The following FRMD6 variants were observed in gnomAD, a reference collection of about 807,000 sequenced individuals.
The protein encoded by FRMD6 is FERM domain-containing protein 6.
FRMD6 carries 37 observed loss-of-function variants against 73.2 expected under a neutral mutation model. The observed-to-expected ratio is 0.51, with a 90% confidence interval of 0.39 to 0.66. The LOEUF is 0.66. FRMD6 is among the 30% of genes least tolerant of loss of function. The pLI, the probability that FRMD6 is intolerant of heterozygous loss-of-function variation, is 0.00. For missense variants in FRMD6, 714 were observed against 780.5 expected, an observed-to-expected ratio of 0.91 and a Z score of 1.02; for synonymous variants, 273 against 282.2, an observed-to-expected ratio of 0.97 and a Z score of 0.33.
chr14:51,501,463 G>A (rs1403147614), intron 1 of FRMD6, among the ~76,000 whole-genome samples: 2 of 152,074 alleles, frequency 1.3e-5, no homozygotes, highest in Non-Finnish European at 2.9e-5. Context: ...GTGAGAACAT[G>A]CGGTGTTTGG....
At chr14:51,548,732 G>C (rs1271502060) in intron 1 of FRMD6, among the ~76,000 whole-genome samples, 1 of 152,176 alleles carries the variant, frequency 6.6e-6, no homozygotes, top group African/African-American at 2.4e-5. Context: ...TGAATTTAGT[G>C]ATGGTATATT....
chr14:51,675,582 C>T (rs1894329985), intron 1 of FRMD6, among the ~76,000 whole-genome samples: 1 of 152,122 alleles, frequency 6.6e-6, no homozygotes, highest in Non-Finnish European at 1.5e-5. Context: ...TATTTAGCAA[C>T]TTGTCTCCAG....
chr14:51,509,951 C>G (rs1884202156), intron 1 of FRMD6, among the ~76,000 whole-genome samples: 1 of 152,178 alleles, frequency 6.6e-6, no homozygotes, highest in African/African-American at 2.4e-5. Flanking sequence ...TAAATAAGCC[C>G]TGAGGACAAT....
At chr14:51,435,220 G>A in the FRMD6 span, among the ~76,000 whole-genome samples, 1 of 152,118 alleles carries the variant, frequency 6.6e-6, no homozygotes, top group African/African-American at 2.4e-5. Flanking sequence ...AGAAAACTGG[G>A]TAAAGCATAT....
At chr14:51,575,429 TCTGA>T (rs141493352) in intron 2 of FRMD6, among the ~76,000 whole-genome samples, 14 of 152,358 alleles carry the variant, frequency 9.2e-5, no homozygotes, top group Non-Finnish European at 1.6e-4. Flanking sequence ...GCCACCTGGC[TCTGA>T]CTTTCTCCTG....
chr14:51,628,877 C>CT (rs371915919), intron 2 of FRMD6, among the ~76,000 whole-genome samples: 46,877 of 95,106 alleles, frequency 0.49, 13,258 homozygotes, highest in Middle Eastern at 0.6. Flanking sequence ...CTTTTCTTTT[C>CT]TTTTTTTTTT....
At chr14:51,602,730 T>C (rs1287072241) in intron 2 of FRMD6, among the ~76,000 whole-genome samples, 4 of 152,236 alleles carry the variant, frequency 2.6e-5, no homozygotes, top group Non-Finnish European at 4.4e-5. Flanking sequence ...TGTTTGTTTC[T>C]TTTTCACTTT....
At chr14:51,547,821 A>G (rs1261318954) in intron 1 of FRMD6, 2 of 151,048 alleles carry the variant, frequency 1.3e-5, no homozygotes, top group South Asian at 2.1e-4. Context: ...ATCTGTAAGT[A>G]TTTTGGAGGG....
chr14:51,486,878 T>C (rs149734348), upstream of FRMD6, among the ~76,000 whole-genome samples: 5 of 152,224 alleles, frequency 3.3e-5, no homozygotes, highest in East Asian at 9.6e-4. Context: ...AAAGATGTCC[T>C]AGATACAATA....
At chr14:51,571,836 T>C (rs1276151050) in intron 2 of FRMD6, among the ~76,000 whole-genome samples, 1 of 152,206 alleles carries the variant, frequency 6.6e-6, no homozygotes, top group African/African-American at 2.4e-5. Flanking sequence ...ATATTAGCCA[T>C]GATTAAAGAT....
At chr14:51,436,912 AGAAGAT>A in the FRMD6 span, 2 of 1,000,548 alleles carry the variant, frequency 2.0e-6, 1 homozygote, top group Non-Finnish European at 2.9e-6. Context: ...GTGAAGAAGA[AGAAGAT>A]GATGATGAAG....
At chr14:51,432,820 A>G in the FRMD6 span, among the ~76,000 whole-genome samples, 1 of 152,160 alleles carries the variant, frequency 6.6e-6, no homozygotes, top group African/African-American at 2.4e-5. Flanking sequence ...AGGCAAGTCT[A>G]AGGTCTCCAT....
the FRMD6 span, among the ~76,000 whole-genome samples, chr14:51,401,071 T>A: frequency 6.6e-6 from 1 of 152,192 alleles, no homozygotes; most frequent in Admixed American, 6.5e-5. Flanking sequence ...TTCAGAAAGG[T>A]TTTCCTGAAT....
intron 12 of FRMD6, 100 bp from the exon 13 acceptor site, chr14:51,725,679 A>G: frequency 2.2e-6 from 2 of 905,852 alleles, no homozygotes; most frequent in East Asian, 2.6e-5. Flanking sequence ...AATGGTTAAT[A>G]TTTGATTTTT....
At position 51,503,822 on chromosome 14, in the gene FRMD6, G is replaced by A. The variant is rs76099498; in HGVS notation, c.-210+14402G>A. Among the ~76,000 whole-genome samples the A allele has an allele frequency of 5.4e-3, 814 of 150,422 alleles. 24 individuals carry two copies. In the East Asian group the frequency reaches 0.063, roughly 12 times the overall value. On this transcript the variant is annotated intron_variant, in intron 1 of 14. Transcript: ENST00000356218. ...GTACCAGCTCTTCTTTGTACGTTTG[G>A]TAGAATTCAGCTGTAAATCTGTTTG...
chr14:51,469,049 T>G, the FRMD6 span, among the ~76,000 whole-genome samples: 1 of 151,912 alleles, frequency 6.6e-6, no homozygotes, highest in South Asian at 2.1e-4. Context: ...CACACCATTC[T>G]CCTGCCTCAG....
intron 1 of FRMD6, among the ~76,000 whole-genome samples, chr14:51,519,982 A>G (rs1239352930): frequency 6.6e-6 from 1 of 152,226 alleles, no homozygotes; most frequent in Non-Finnish European, 1.5e-5. Flanking sequence ...GCCCTAAGGA[A>G]TGGTATTTCA....
chr14:51,479,012 A>G, the FRMD6 span, among the ~76,000 whole-genome samples: 1 of 152,240 alleles, frequency 6.6e-6, no homozygotes, highest in Non-Finnish European at 1.5e-5. Flanking sequence ...CTGATTTTTA[A>G]TAAAATCAGA....
At chr14:51,467,910 A>G in the FRMD6 span, among the ~76,000 whole-genome samples, 1 of 152,110 alleles carries the variant, frequency 6.6e-6, no homozygotes, top group Non-Finnish European at 1.5e-5. Flanking sequence ...AGAGGCTGCA[A>G]TCTCGGTACT....
Sources: allele counts gnomAD v4.1 joint callset (sites outside exome capture counted in the v4.1 genomes callset), GRCh38; gene constraint gnomAD v4.1.1; transcripts MANE v1.5; gene names NCBI Gene and HGNC (gene_info 2026-07-23, HGNC 2026-07-21).